TIMP2: variants seen among roughly 807,000 people sequenced by gnomAD.
The protein encoded by TIMP2 is TIMP metallopeptidase inhibitor 2, also known as metalloproteinase inhibitor 2.
A neutral mutation model predicts 24.3 loss-of-function variants in TIMP2; 5 were observed. The observed-to-expected ratio is 0.21, with a 90% CI of 0.11 to 0.43. The LOEUF is 0.43. TIMP2 is among the 20% of genes least tolerant of loss of function. The pLI is 1.00. For synonymous variants in TIMP2, 130 were observed against 123.2 expected, an observed-to-expected ratio of 1.06 and a Z score of -0.37; for missense variants, 221 against 297.5, an observed-to-expected ratio of 0.74 and a Z score of 1.89.
intron 1 of TIMP2, chr17:78,890,868 T>C: frequency 6.4e-7 from 1 of 1,550,652 alleles, no homozygotes; most frequent in African/African-American, 1.4e-5. Context: ...CGAGCTCTTC[T>C]TTGCTCCCTC....
rs564812640 is a variant in TIMP2, at chr17:78,886,933, G to A, written c.131-13014C>T. 1.1e-4 allele frequency among the ~76,000 whole-genome samples: 16 copies of A among 152,228 alleles called. No homozygotes were observed. In the South Asian group the frequency reaches 3.3e-3, roughly 32 times the overall value. On this transcript the variant is annotated intron_variant, in intron 1 of 4. Coordinates refer to ENST00000262768, the MANE Select transcript of TIMP2 (RefSeq NM_003255.5). ...GACACAATCTCACTATGTTGCCCAG[G>A]CTGGTCTCATATTCCTGGGCTCAAG...
chr17:78,885,179 T>A (rs1230550065), intron 1 of TIMP2, among the ~76,000 whole-genome samples: 1 of 152,124 alleles, frequency 6.6e-6, no homozygotes, highest in Non-Finnish European at 1.5e-5. Context: ...TCCCTGTGGT[T>A]TGGGGAGAAG....
intron 1 of TIMP2, chr17:78,904,748 G>T (rs1651265746): frequency 6.6e-6 from 1 of 152,316 alleles, no homozygotes; most frequent in South Asian, 2.1e-4. Flanking sequence ...TGAGTAAGAA[G>T]ATCCCTCCTC....
intron 1 of TIMP2, among the ~76,000 whole-genome samples, chr17:78,886,681 T>C (rs1314631692): frequency 6.6e-6 from 1 of 152,188 alleles, no homozygotes; most frequent in East Asian, 1.9e-4. Context: ...CATGACATTC[T>C]GGAAGCAGAG....
intron 3 of TIMP2, among the ~76,000 whole-genome samples, chr17:78,867,534 C>G (rs2069627559): frequency 1.3e-5 from 2 of 152,084 alleles, no homozygotes; most frequent in Non-Finnish European, 2.9e-5. Context: ...CCACCTTCTT[C>G]CAGCAGCAAG....
chr17:78,875,744 T>C (rs1265424050), intron 1 of TIMP2, among the ~76,000 whole-genome samples: 1 of 151,974 alleles, frequency 6.6e-6, no homozygotes, highest in Non-Finnish European at 1.5e-5. Context: ...CCCCACGTGG[T>C]CGGCTCAAAT....
intron 1 of TIMP2, among the ~76,000 whole-genome samples, chr17:78,911,674 G>A (rs867926124): frequency 1.6e-4 from 24 of 151,946 alleles, no homozygotes; most frequent in South Asian, 6.2e-4. Flanking sequence ...CAAGTGATCC[G>A]CCCACCTTGG....
intron 1 of TIMP2, chr17:78,922,319 AG>A (rs2145799140): frequency 6.6e-6 from 1 of 152,350 alleles, no homozygotes; most frequent in African/African-American, 2.4e-5. Context: ...GTTTATCCCA[AG>A]TTGGTTGAGC....
At chr17:78,892,653 G>A in intron 1 of TIMP2, 1 of 763,470 alleles carries the variant, frequency 1.3e-6, no homozygotes, top group Non-Finnish European at 2.0e-6. Flanking sequence ...TTTGACAAGA[G>A]CCTGTAGGGC....
chr17:78,897,067 C>CCTGG, intron 1 of TIMP2: 1 of 911,346 alleles, frequency 1.1e-6, no homozygotes, highest in Non-Finnish European at 1.3e-6. Flanking sequence ...ACCCAGGCAG[C>CCTGG]GTGGAAGTGC....
At chr17:78,907,584 GA>G (rs766413891) in intron 1 of TIMP2, among the ~76,000 whole-genome samples, 2 of 152,238 alleles carry the variant, frequency 1.3e-5, no homozygotes, top group East Asian at 3.9e-4. Context: ...TGATAATAAT[GA>G]AAAAGTTTGA....
chr17:78,876,196 A>G (rs902809390), intron 1 of TIMP2, among the ~76,000 whole-genome samples: 1 of 151,926 alleles, frequency 6.6e-6, no homozygotes, highest in Admixed American at 6.6e-5. Context: ...GCCCTCCCCT[A>G]AAATATGAGC....
chr17:78,854,947 T>TG lies in TIMP2; in HGVS notation c.*719dup, dbSNP rs2069513570. 7.9e-5 allele frequency: 4 copies of TG among 50,824 alleles called. No individual in the cohort carries two copies. Among genetic ancestry groups the TG allele is most frequent in the Non-Finnish European group, 1.6e-4 (4 of 24,340 alleles). The allele number at this position is 50,824 out of a possible 1,614,324, so 3.1% of individuals were successfully genotyped here. On this transcript the variant is annotated 3_prime_UTR_variant, in exon 5 of 5. Coordinates refer to ENST00000262768, the MANE Select transcript of TIMP2 (RefSeq NM_003255.5). ...GGGGGGGGGGGGGTGGGGGGGTGGGTGCAGACCAAAAAGACTCAGCTGAGG... is the reference window on the plus strand; with the variant it reads ...GGGGGGGGGGGGGTGGGGGGGTGGGTGGCAGACCAAAAAGACTCAGCTGAGG...
At chr17:78,897,726 C>T (rs558790127) in intron 1 of TIMP2, 1 of 152,302 alleles carries the variant, frequency 6.6e-6, no homozygotes, top group Non-Finnish European at 1.5e-5. Context: ...CTCCTCAAGG[C>T]ATGAACTGGC....
At chr17:78,895,414 C>T (rs2069983854) in intron 1 of TIMP2, among the ~76,000 whole-genome samples, 2 of 152,142 alleles carry the variant, frequency 1.3e-5, no homozygotes, top group African/African-American at 4.8e-5. Flanking sequence ...TGCACACTGA[C>T]CCTGCAGTGT....
chr17:78,911,296 C>T (rs1338220105), intron 1 of TIMP2, among the ~76,000 whole-genome samples: 1 of 152,204 alleles, frequency 6.6e-6, no homozygotes, highest in Admixed American at 6.5e-5. Flanking sequence ...ACACTCCTGC[C>T]TTTCTTCCTT....
rs1370177119 is a variant in TIMP2 at position 78,891,527 on chromosome 17, G to A, written c.131-17608C>T. ...CTTCTCCCGGAGCGTGCACTGAGAT[G>A]CTGGGGACACGGCTTCCCTTCTGCA... On this transcript the variant is annotated intron_variant, in intron 1 of 4. Coordinates refer to ENST00000262768, the MANE Select transcript of TIMP2 (RefSeq NM_003255.5). This position sits in a 1 kb window ranked among gnomAD's most constrained non-coding sequence, Gnocchi z 4.5. 3.2e-6 allele frequency: 5 copies of A among 1,551,116 alleles called. No individual in the cohort carries two copies. The South Asian group carries it at 4.8e-5, about 15-fold the overall frequency.
intron 1 of TIMP2, among the ~76,000 whole-genome samples, chr17:78,889,928 G>GCCAA (rs1486808018): frequency 6.6e-6 from 1 of 152,184 alleles, no homozygotes; most frequent in Non-Finnish European, 1.5e-5. Context: ...GACCAGCCTA[G>GCCAA]CCAACATGGT....
chr17:78,890,190 T>C (rs1184193759), intron 1 of TIMP2, among the ~76,000 whole-genome samples: 3 of 149,546 alleles, frequency 2.0e-5, no homozygotes, highest in African/African-American at 7.5e-5. Flanking sequence ...GAGGACGGTA[T>C]AATGACAGAT....
Sources: gnomAD v4.1 joint callset for allele counts (sites outside exome capture counted in the v4.1 genomes callset) on GRCh38, gnomAD v4.1.1 for gene constraint, Gnocchi (gnomAD v3.1) non-coding constraint, MANE v1.5 for transcripts, NCBI Gene and HGNC (gene_info 2026-07-23, HGNC 2026-07-21) for gene names.